Variants in SRPK2 observed in about 807,000 individuals in gnomAD.
The protein encoded by SRPK2 is SRSF protein kinase 2, also known as SFRS protein kinase 2.
A neutral mutation model predicts 90.8 loss-of-function variants in SRPK2; 21 were observed. The ratio of observed to expected loss-of-function variants is 0.23; its 90% CI spans 0.16 to 0.33. The LOEUF is 0.33. Ranked by LOEUF, SRPK2 falls within the 10% of genes least tolerant of loss-of-function variation. The pLI is 1.00. For missense variants in SRPK2, 620 were observed against 869.0 expected (o/e 0.71, Z 3.60); for synonymous variants, 288 against 311.1 (o/e 0.93, Z 0.78).
intron 2 of SRPK2, among the ~76,000 whole-genome samples, chr7:105,329,996 C>T (rs377671209): frequency 3.9e-5 from 6 of 151,954 alleles, no homozygotes; most frequent in East Asian, 1.9e-4. Flanking sequence ...GATCACGTCC[C>T]GGCACTCCAA....
intron 1 of SRPK2, among the ~76,000 whole-genome samples, chr7:105,398,075 T>C (rs1822380079): frequency 6.6e-6 from 1 of 152,222 alleles, no homozygotes; most frequent in Non-Finnish European, 1.5e-5. Flanking sequence ...AAGTATTAAA[T>C]ATTTATAAAA....
intron 2 of SRPK2, among the ~76,000 whole-genome samples, chr7:105,340,575 C>G (rs1815649078): frequency 6.6e-6 from 1 of 151,790 alleles, no homozygotes; most frequent in South Asian, 2.1e-4. Context: ...CCACGCCCAG[C>G]TAAGTTTTTT....
At chr7:105,335,519 T>C (rs1243106144) in intron 2 of SRPK2, among the ~76,000 whole-genome samples, 1 of 151,892 alleles carries the variant, frequency 6.6e-6, no homozygotes, top group African/African-American at 2.4e-5. Flanking sequence ...AAATTGGTCA[T>C]GGTGTTGTCT....
At chr7:105,361,741 A>C (rs1177018469) in intron 2 of SRPK2, among the ~76,000 whole-genome samples, 2 of 152,212 alleles carry the variant, frequency 1.3e-5, no homozygotes, top group East Asian at 1.9e-4. Context: ...TCCCCATTTA[A>C]TAAATGGTGC....
intron 3 of SRPK2, among the ~76,000 whole-genome samples, chr7:105,193,739 T>G (rs1279135745): frequency 6.6e-6 from 1 of 152,062 alleles, no homozygotes; most frequent in African/African-American, 2.4e-5. Context: ...TCTTCTGTAT[T>G]TACAAAGAAA....
At position 105,142,319 on chromosome 7, in the gene SRPK2, T is replaced by C; in HGVS notation, c.1232A>G (p.Asp411Gly). The C allele has an allele frequency of 6.2e-7, 1 of 1,614,210 alleles. No individual in the cohort carries two copies. Among genetic ancestry groups the C allele is most frequent in the Non-Finnish European group, 8.5e-7 (1 of 1,180,026 alleles). The stretch of plus-strand genomic sequence containing the variant: ...GCAGTCTTCTTCATCATCATCTTCA[T>C]CGTCCAGTTGCTGCTCCAGTGAGAA... ...GPFSLEQQLD[D>G]EDDDEEDCPN... is the part of the protein sequence containing the mutation. The change falls in exon 11 of 16, where the codon GAT becomes GGT. Residue 411 changes from aspartate (D) to glycine (G), a missense_variant. By Grantham distance (94) the Asp-to-Gly change is moderately conservative. Around this residue, in one of 8 missense-constraint regions of SRPK2, gnomAD observed 243 missense variants for 245.7 expected, o/e 0.99. Coordinates refer to ENST00000393651, the MANE Select transcript of SRPK2 (RefSeq NM_182692.3).
At chr7:105,296,707 G>A (rs992361822) in intron 2 of SRPK2, among the ~76,000 whole-genome samples, 3 of 152,188 alleles carry the variant, frequency 2.0e-5, no homozygotes, top group African/African-American at 7.2e-5. Flanking sequence ...GAAAGCCTAT[G>A]AGGCTATTAA....
chr7:105,248,441 A>ATT (rs1452482873), intron 2 of SRPK2, among the ~76,000 whole-genome samples: 11 of 150,396 alleles, frequency 7.3e-5, no homozygotes, highest in Non-Finnish European at 1.3e-4. Flanking sequence ...AAATTTAAAA[A>ATT]AAAAAAAAAA....
intron 2 of SRPK2, among the ~76,000 whole-genome samples, chr7:105,233,539 T>A (rs1264836254): frequency 6.6e-6 from 1 of 152,156 alleles, no homozygotes; most frequent in African/African-American, 2.4e-5. Context: ...TACAAAATAG[T>A]TCCTTTATAA....
At chr7:105,149,397 C>T (rs1364711988) in intron 7 of SRPK2, among the ~76,000 whole-genome samples, 2 of 152,120 alleles carry the variant, frequency 1.3e-5, no homozygotes, top group African/African-American at 4.8e-5. Flanking sequence ...GATTCTATTG[C>T]TCACGTGTTT....
chr7:105,127,160 C>A, intron 13 of SRPK2, 98 bp from the exon 14 acceptor site: 1 of 1,121,546 alleles, frequency 8.9e-7, no homozygotes, highest in Non-Finnish European at 1.3e-6. Context: ...TTATGAAGAT[C>A]TGAATCAAAC....
intron 2 of SRPK2, among the ~76,000 whole-genome samples, chr7:105,365,132 T>A (rs1051242912): frequency 6.6e-6 from 1 of 152,154 alleles, no homozygotes; most frequent in African/African-American, 2.4e-5. Context: ...ATTGGATTAA[T>A]GTCCTCTATG....
At chr7:105,278,518 C>CAAAAAAAAAAAAA (rs745938997) in intron 2 of SRPK2, among the ~76,000 whole-genome samples, 1 of 95,292 alleles carries the variant, frequency 1.0e-5, no homozygotes, top group African/African-American at 4.6e-5. Context: ...AATAAAAATA[C>CAAAAAAAAAAAAA]AAAAAAAAAA....
At chr7:105,246,392 G>T (rs1801669103) in intron 2 of SRPK2, among the ~76,000 whole-genome samples, 1 of 152,174 alleles carries the variant, frequency 6.6e-6, no homozygotes. Flanking sequence ...AATGAGTTTG[G>T]TTTAGGGCCA....
intron 11 of SRPK2, among the ~76,000 whole-genome samples, chr7:105,140,700 C>T (rs993411621): frequency 5.9e-5 from 9 of 152,006 alleles, no homozygotes; most frequent in Admixed American, 2.6e-4. Flanking sequence ...CGGTGGCTCA[C>T]GCCTGTAATC....
At chr7:105,287,254 C>G (rs1400738077) in intron 2 of SRPK2, among the ~76,000 whole-genome samples, 1 of 86,326 alleles carries the variant, frequency 1.2e-5, no homozygotes, top group African/African-American at 4.7e-5. Context: ...GAGCGAGACT[C>G]CGTCTAAAAA....
upstream of SRPK2, among the ~76,000 whole-genome samples, chr7:105,392,136 A>G (rs995986489): frequency 6.6e-6 from 1 of 152,216 alleles, no homozygotes; most frequent in Non-Finnish European, 1.5e-5. Context: ...CATTTATATG[A>G]GATATCCAGA....
intron 2 of SRPK2, among the ~76,000 whole-genome samples, chr7:105,227,691 A>G (rs577006128): frequency 2.0e-5 from 3 of 152,298 alleles, no homozygotes; most frequent in African/African-American, 4.8e-5. Context: ...TTTCAAACAT[A>G]TAAGTTATCA....
At chr7:105,153,712 A>T (rs952083640) in intron 7 of SRPK2, among the ~76,000 whole-genome samples, 1 of 152,208 alleles carries the variant, frequency 6.6e-6, no homozygotes, top group Non-Finnish European at 1.5e-5. Context: ...GACACAGAGC[A>T]GGGAGACTCT....
Sources: allele counts gnomAD v4.1 joint callset (sites outside exome capture counted in the v4.1 genomes callset), GRCh38; gene constraint gnomAD v4.1.1; regional missense constraint gnomAD v4.1.1; transcripts MANE v1.5; gene names NCBI Gene and HGNC (gene_info 2026-07-23, HGNC 2026-07-21).